PLEKHG1: variants seen among roughly 807,000 people sequenced by gnomAD.
The protein encoded by PLEKHG1 is pleckstrin homology domain-containing family G member 1.
A neutral mutation model predicts 100.8 loss-of-function variants in PLEKHG1; 44 were observed. The observed-to-expected ratio is 0.44, with a 90% CI of 0.34 to 0.56. The LOEUF is 0.56. Among genes scored for constraint, PLEKHG1 ranks in the 20% least tolerant of loss-of-function variants. PLEKHG1 has a pLI of 0.01. For synonymous variants in PLEKHG1, 640 were observed against 662.5 expected (o/e 0.97, Z 0.52); for missense variants, 1,545 against 1,720.9 (o/e 0.90, Z 1.81).
At position 150,769,748 on chromosome 6, in the gene PLEKHG1, C is replaced by T. The variant is rs1784624295; in HGVS notation, c.512+1010C>T. On this transcript the variant is annotated intron_variant, in intron 3 of 15. Coordinates refer to ENST00000358517, the Ensembl canonical transcript of PLEKHG1. ...TTAAATGGAATGAAACTAACTAACC[C>T]CTGTATGTCAAGTCTTTACTCAAAT... 2.0e-5 allele frequency among the ~76,000 whole-genome samples: 3 copies of T among 152,030 alleles called. 1 individual carries two copies. The South Asian group carries it at 6.2e-4, about 32-fold the overall frequency.
chr6:150,719,560 T>C (rs368994323), upstream of PLEKHG1, among the ~76,000 whole-genome samples: 10 of 152,168 alleles, frequency 6.6e-5, no homozygotes, highest in Admixed American at 3.9e-4. Context: ...TGATCCTTAC[T>C]CTAAGTGTAA....
At chr6:150,649,269 G>A (rs569622971) in intron 2 of PLEKHG1, among the ~76,000 whole-genome samples, 7 of 152,224 alleles carry the variant, frequency 4.6e-5, no homozygotes, top group South Asian at 2.1e-4. Context: ...GACCTAGGTG[G>A]AGCTAATTAT....
chr6:150,626,474 A>G (rs1039551943), intron 1 of PLEKHG1, among the ~76,000 whole-genome samples: 2 of 152,084 alleles, frequency 1.3e-5, no homozygotes, highest in Non-Finnish European at 2.9e-5. Context: ...GGCGTTGGGG[A>G]CACCAGAACA....
At chr6:150,766,101 TAGG>T (rs1784441420) in intron 2 of PLEKHG1, among the ~76,000 whole-genome samples, 1 of 152,184 alleles carries the variant, frequency 6.6e-6, no homozygotes, top group African/African-American at 2.4e-5. Context: ...AGAAAGTAAA[TAGG>T]AGAAATTTTA....
chr6:150,656,848 A>G (rs535092072), intron 3 of PLEKHG1, among the ~76,000 whole-genome samples: 4 of 152,290 alleles, frequency 2.6e-5, no homozygotes, highest in African/African-American at 7.2e-5. Flanking sequence ...AGCTCAGAGA[A>G]AGACCATTTG....
At chr6:150,655,477 G>A (rs188991495) in intron 3 of PLEKHG1, among the ~76,000 whole-genome samples, 1 of 152,198 alleles carries the variant, frequency 6.6e-6, no homozygotes, top group African/African-American at 2.4e-5. Flanking sequence ...GGGAGGCCGA[G>A]GCGGGTAGAT....
At chr6:150,824,992 G>A (rs1236861909) in intron 14 of PLEKHG1, among the ~76,000 whole-genome samples, 1 of 152,006 alleles carries the variant, frequency 6.6e-6, no homozygotes, top group Non-Finnish European at 1.5e-5. Flanking sequence ...CACTGCAGAG[G>A]GCTCCCTGCT....
chr6:150,669,848 T>C (rs1381109525), intron 3 of PLEKHG1, among the ~76,000 whole-genome samples: 1 of 152,136 alleles, frequency 6.6e-6, no homozygotes, highest in East Asian at 1.9e-4. Context: ...TCCACCCACC[T>C]CGGCCTCCCA....
At chr6:150,624,248 G>A (rs1446502277) in intron 1 of PLEKHG1, among the ~76,000 whole-genome samples, 3 of 152,070 alleles carry the variant, frequency 2.0e-5, no homozygotes, top group Non-Finnish European at 2.9e-5. Flanking sequence ...GAGGTGCCTG[G>A]GCCTTGGGGG....
At position 150,724,558 on chromosome 6, in the gene PLEKHG1, C is replaced by CTTTTTTT. The variant is rs34140367; in HGVS notation, c.-99+3371_-99+3377dup. 3.2e-4 allele frequency among the ~76,000 whole-genome samples: 32 copies of CTTTTTTT among 100,472 alleles called. 1 individual carries two copies. Among genetic ancestry groups the CTTTTTTT allele is most frequent in the African/African-American group, 8.5e-4 (22 of 25,894 alleles). The allele number at this position is 100,472 out of a possible 152,430, so 65.9% of individuals were successfully genotyped here. A position where few individuals can be genotyped will look rare whatever the true frequency, so the allele number is the denominator to read the frequency against. On this transcript the variant is annotated intron_variant, in intron 1 of 15. Transcript: ENST00000358517. ...TTTCTTTCTTTTCTTTTTTCTTTTTCTTTTTTTTTTTTTTTTTTTGAGATG... is the reference window on the plus strand; with the variant it reads ...TTTCTTTCTTTTCTTTTTTCTTTTTCTTTTTTTTTTTTTTTTTTTTTTTTTTGAGATG...
intron 3 of PLEKHG1, among the ~76,000 whole-genome samples, chr6:150,666,800 G>A (rs890028294): frequency 6.7e-5 from 10 of 148,418 alleles, no homozygotes; most frequent in East Asian, 2.0e-4. Context: ...TCACTCTGTC[G>A]CCCAGGCTGG....
In PLEKHG1 at chr6:150,770,131, C is replaced by T. The variant is rs139688519; in HGVS notation, c.512+1393C>T. ...GAGGAAGTACCAAAATATAAGCCTA[C>T]GATGCTCTTGATTTTGCGATAGTGA... On this transcript the variant is annotated intron_variant, in intron 3 of 15. Transcript: ENST00000358517. 4.4e-3 allele frequency among the ~76,000 whole-genome samples: 674 copies of T among 152,276 alleles called. 2 individuals are homozygous for T. The highest frequency in any genetic ancestry group is 8.2e-3 in the Admixed American group (125 of 15,294).
At chr6:150,612,303 G>A (rs998437179) in intron 1 of PLEKHG1, among the ~76,000 whole-genome samples, 5 of 152,154 alleles carry the variant, frequency 3.3e-5, no homozygotes, top group South Asian at 2.1e-4. Flanking sequence ...GACATTGAAT[G>A]TGTGTTTTTT....
rs57840463 is a variant in PLEKHG1, at chr6:150,644,334, G to GTTTTTTTTTTTTTTTTTTTTTTTTTTTTT, written c.-158+6227_-158+6228insTTTTTTTTTTTTTTTTTTTTTTTTTTTTT. Among the ~76,000 whole-genome samples the GTTTTTTTTTTTTTTTTTTTTTTTTTTTTT allele has an allele frequency of 3.8e-4, 45 of 117,598 alleles. 4 individuals are homozygous for GTTTTTTTTTTTTTTTTTTTTTTTTTTTTT. The highest frequency in any genetic ancestry group is 1.3e-3 in the African/African-American group (38 of 28,622). The allele number at this position is 117,598 out of a possible 152,430, so 77.1% of individuals were successfully genotyped here. ...AAGAGAGTGGTTTTTTTCTTTTCGT[G>GTTTTTTTTTTTTTTTTTTTTTTTTTTTTT]TTTTTTTTTTTTTTTTTTGTTACAG... On this transcript the variant is annotated intron_variant, in intron 2 of 3. Transcript: ENST00000367326.
In PLEKHG1 at chr6:150,831,510, A is replaced by T. The variant is rs140522547; in HGVS notation, c.2399A>T (p.His800Leu). The change falls in exon 15 of 16, where the codon CAT (histidine) becomes CTT (leucine). Residue 800 changes from histidine (H) to leucine (L), a missense_variant. Coordinates refer to ENST00000358517, the Ensembl canonical transcript of PLEKHG1. This position sits in a 1 kb window ranked among gnomAD's most constrained non-coding sequence, Gnocchi z 4.1. ...CTCAGTGAGGACGAAGCCCCTTACC[A>T]TCAGGCCACTCCCGATCATGGTTAT... The T allele has an allele frequency of 2.9e-5, 46 of 1,614,014 alleles. No individual in the cohort carries two copies. The highest frequency in any genetic ancestry group is 3.3e-5 in the Non-Finnish European group (39 of 1,179,976).
upstream of PLEKHG1, among the ~76,000 whole-genome samples, chr6:150,718,329 TGGA>T: frequency 6.6e-6 from 1 of 152,090 alleles, no homozygotes; most frequent in Admixed American, 6.5e-5. Context: ...TGGGGAGCAC[TGGA>T]ACGCAGAACC....
At chr6:150,793,284 C>T (rs1786101581) in intron 4 of PLEKHG1, among the ~76,000 whole-genome samples, 1 of 152,008 alleles carries the variant, frequency 6.6e-6, no homozygotes, top group African/African-American at 2.4e-5. Context: ...CGCCTGTGGT[C>T]CCAGCTACTC....
intron 1 of PLEKHG1, among the ~76,000 whole-genome samples, chr6:150,608,979 T>A (rs959949625): frequency 3.9e-5 from 6 of 152,196 alleles, no homozygotes; most frequent in Admixed American, 3.9e-4. Context: ...TTGTCACACA[T>A]AAGTTTTATT....
intron 3 of PLEKHG1, among the ~76,000 whole-genome samples, chr6:150,782,963 A>G (rs1035593140): frequency 6.6e-5 from 10 of 152,188 alleles, no homozygotes; most frequent in Non-Finnish European, 1.2e-4. Flanking sequence ...AGCAGAAAAC[A>G]AAGAACAGGA....
Sources: allele counts gnomAD v4.1 joint callset (sites outside exome capture counted in the v4.1 genomes callset), GRCh38; gene constraint gnomAD v4.1.1; non-coding constraint Gnocchi (gnomAD v3.1); transcripts MANE v1.5; gene names NCBI Gene and HGNC (gene_info 2026-07-23, HGNC 2026-07-21).